MYT1L: variants seen among roughly 807,000 people sequenced by gnomAD.
The protein encoded by MYT1L is myelin transcription factor 1-like protein.
MYT1L carries 12 observed loss-of-function variants against 126.7 expected under a neutral mutation model. The ratio of observed to expected loss-of-function variants is 0.09; its 90% CI spans 0.06 to 0.15. MYT1L has a LOEUF of 0.15. MYT1L is among the 10% of genes least tolerant of loss of function. The pLI, the probability that MYT1L is intolerant of heterozygous loss-of-function variation, is 1.00. For synonymous variants in MYT1L, 541 were observed against 604.2 expected (o/e 0.90, Z 1.53); for missense variants, 979 against 1,585.2 (o/e 0.62, Z 6.49).
chr2:1,863,565 C>A (rs1043153503), intron 18 of MYT1L, among the ~76,000 whole-genome samples: 15 of 152,132 alleles, frequency 9.9e-5, no homozygotes, highest in Admixed American at 9.2e-4. Context: ...CCAGCCCGAC[C>A]CCCGGAAGGA....
rs1356523964 is a variant in MYT1L, at chr2:2,237,398, A to G, written c.-421+47006T>C. On this transcript the variant is annotated intron_variant, in intron 2 of 24. Transcript: ENST00000647738. The stretch of plus-strand genomic sequence containing the variant: ...CAGGAGAAAAGGCCCGTTCCTTCAC[A>G]GGGAGCACTAATGTCTCCTCGCATC... 2.6e-5 allele frequency among the ~76,000 whole-genome samples: 4 copies of G among 152,284 alleles called. No individual in the cohort carries two copies. The South Asian group carries it at 8.3e-4, about 32-fold the overall frequency.
chr2:2,170,037 G>T (rs1188200679), intron 3 of MYT1L, among the ~76,000 whole-genome samples: 17 of 152,196 alleles, frequency 1.1e-4, no homozygotes. Flanking sequence ...TGGCAACCTT[G>T]CTCTCTTCAT....
At position 2,078,791 on chromosome 2, in the gene MYT1L, T is replaced by C. The variant is rs561320038; in HGVS notation, c.-303-24668A>G. 7.9e-5 allele frequency among the ~76,000 whole-genome samples: 12 copies of C among 152,342 alleles called. 1 individual carries two copies. In the South Asian group the frequency reaches 2.5e-3, roughly 32 times the overall value. ...AAAGCTATCAGAACTAACAAATTAG[T>C]GCAGCCCATTTGCAGGGTAGAATAT... On this transcript the variant is annotated intron_variant, in intron 3 of 24. Transcript: ENST00000647738.
intron 3 of MYT1L, among the ~76,000 whole-genome samples, chr2:2,164,067 T>G (rs2088555938): frequency 6.6e-6 from 1 of 152,192 alleles, no homozygotes; most frequent in South Asian, 2.1e-4. Context: ...ATTTAATTTC[T>G]TATGGATATT....
At position 2,123,726 on chromosome 2, in the gene MYT1L, C is replaced by T. The variant is rs568891671; in HGVS notation, c.-304+49146G>A. On this transcript the variant is annotated intron_variant, in intron 3 of 24. Coordinates refer to ENST00000647738, the MANE Select transcript of MYT1L (RefSeq NM_001303052.2). Reference sequence around the variant, plus strand: ...CTTTTCTTTATAAATTACTTAGTCTCGGGTATTTCATTATCTCAGTGCAAG... The same window carrying T: ...CTTTTCTTTATAAATTACTTAGTCTTGGGTATTTCATTATCTCAGTGCAAG... Among the ~76,000 whole-genome samples, 103 of 152,242 alleles carry T rather than the reference C, an allele frequency of 6.8e-4. 1 individual carries two copies. Among genetic ancestry groups the T allele is most frequent in the Non-Finnish European group, 2.2e-4 (15 of 68,026 alleles).
At chr2:2,207,507 T>G (rs576386958) in intron 2 of MYT1L, among the ~76,000 whole-genome samples, 1 of 152,292 alleles carries the variant, frequency 6.6e-6, no homozygotes, top group Admixed American at 6.5e-5. Flanking sequence ...TGACATCTGT[T>G]TTAAGTGCAT....
intron 3 of MYT1L, among the ~76,000 whole-genome samples, chr2:2,139,395 G>T (rs2083590994): frequency 6.6e-6 from 1 of 151,912 alleles, no homozygotes; most frequent in Non-Finnish European, 1.5e-5. Context: ...CGAGGTGGGT[G>T]GATCACCTGA....
intron 8 of MYT1L, among the ~76,000 whole-genome samples, chr2:1,969,136 T>G (rs1041380158): frequency 6.6e-6 from 1 of 152,198 alleles, no homozygotes; most frequent in African/African-American, 2.4e-5. Flanking sequence ...TGATTAGAAA[T>G]CACCCTCCAG....
At chr2:2,216,999 G>A (rs933421492) in intron 2 of MYT1L, among the ~76,000 whole-genome samples, 1 of 152,170 alleles carries the variant, frequency 6.6e-6, no homozygotes, top group East Asian at 1.9e-4. Flanking sequence ...TCTTGGAAAG[G>A]CTTCTATCTA....
chr2:2,252,406 A>T lies in MYT1L; in HGVS notation c.-421+31998T>A, dbSNP rs376695909. Among the ~76,000 whole-genome samples, 10 of 152,272 alleles carry T rather than the reference A, an allele frequency of 6.6e-5. No homozygotes were observed. The South Asian group carries it at 2.1e-3, about 32-fold the overall frequency. ...CTGGTCTGTGTCTGGGCATGAGTCC[A>T]CACTGCCCACCACAAGCTGTTCTTC... On this transcript the variant is annotated intron_variant, in intron 2 of 24. Coordinates refer to ENST00000647738, the MANE Select transcript of MYT1L (RefSeq NM_001303052.2).
chr2:2,121,970 G>T (rs570210102), intron 3 of MYT1L, among the ~76,000 whole-genome samples: 1 of 152,196 alleles, frequency 6.6e-6, no homozygotes, highest in Non-Finnish European at 1.5e-5. Flanking sequence ...CGATGGCAGG[G>T]AAGCACTGCT....
intron 3 of MYT1L, among the ~76,000 whole-genome samples, chr2:2,072,379 A>G (rs781779998): frequency 6.6e-6 from 1 of 152,220 alleles, no homozygotes; most frequent in African/African-American, 2.4e-5. Flanking sequence ...TATCTACTAG[A>G]AAGTTTCACA....
chr2:2,164,013 G>T (rs2088540530), intron 3 of MYT1L, among the ~76,000 whole-genome samples: 1 of 151,876 alleles, frequency 6.6e-6, no homozygotes, highest in Non-Finnish European at 1.5e-5. Flanking sequence ...ATCCCCTACA[G>T]CAATACACAT....
Position 1,800,798 on chromosome 2 carries a change from C to T in MYT1L, c.3276+898G>A, listed in dbSNP as rs140735880. On this transcript the variant is annotated intron_variant, in intron 23 of 24. Transcript: ENST00000647738. Reference sequence around the variant, plus strand: ...ACCATCCTCATCTCCATCCAGTTCTCGGGGCTCATTCCCAGCAAACCGAGC... The same window carrying T: ...ACCATCCTCATCTCCATCCAGTTCTTGGGGCTCATTCCCAGCAAACCGAGC... 6.9e-3 allele frequency among the ~76,000 whole-genome samples: 1,052 copies of T among 152,128 alleles called. 10 individuals are homozygous for T. Among genetic ancestry groups the T allele is most frequent in the Admixed American group, 0.026 (400 of 15,292 alleles).
At chr2:2,212,955 G>A (rs2093571814) in intron 2 of MYT1L, among the ~76,000 whole-genome samples, 1 of 152,080 alleles carries the variant, frequency 6.6e-6, no homozygotes, top group African/African-American at 2.4e-5. Flanking sequence ...TTTCATGAGG[G>A]GAAGAGAGGA....
chr2:1,825,050 G>C (rs964781940), intron 21 of MYT1L: 2 of 152,446 alleles, frequency 1.3e-5, no homozygotes, highest in Non-Finnish European at 2.9e-5. Flanking sequence ...TTGGATGCCT[G>C]TGGGTCCTCA....
chr2:2,153,472 G>A (rs1575523080), intron 3 of MYT1L, among the ~76,000 whole-genome samples: 1 of 152,164 alleles, frequency 6.6e-6, no homozygotes, highest in African/African-American at 2.4e-5. Context: ...GTTTAGACGT[G>A]AGACTGGATG....
At chr2:1,883,543 C>T (rs1240560167) in intron 18 of MYT1L, among the ~76,000 whole-genome samples, 1 of 152,154 alleles carries the variant, frequency 6.6e-6, no homozygotes, top group African/African-American at 2.4e-5. Flanking sequence ...GTTCTCACCC[C>T]CCAAAACTCT....
chr2:1,968,549 T>A (rs2059563078), intron 8 of MYT1L, among the ~76,000 whole-genome samples: 1 of 152,128 alleles, frequency 6.6e-6, no homozygotes, highest in Non-Finnish European at 1.5e-5. Context: ...AAGGAACGGA[T>A]CTTTTAAAAT....
Sources: allele counts gnomAD v4.1 joint callset (sites outside exome capture counted in the v4.1 genomes callset), GRCh38; gene constraint gnomAD v4.1.1; transcripts MANE v1.5; gene names NCBI Gene and HGNC (gene_info 2026-07-23, HGNC 2026-07-21).